Variants in ARMH3 observed in about 807,000 individuals in gnomAD.
The protein encoded by ARMH3 is armadillo-like helical domain-containing protein 3.
A neutral mutation model predicts 99.1 loss-of-function variants in ARMH3; 60 were observed. The ratio of observed to expected loss-of-function variants is 0.61; its 90% CI spans 0.49 to 0.75. The LOEUF is 0.75. Among genes scored for constraint, ARMH3 ranks in the 30% least tolerant of loss-of-function variants. ARMH3 has a pLI of 0.00. For missense variants in ARMH3, 679 were observed against 843.1 expected, an observed-to-expected ratio of 0.81 and a Z score of 2.41; for synonymous variants, 285 against 292.8, an observed-to-expected ratio of 0.97 and a Z score of 0.27.
Position 101,944,269 on chromosome 10 carries a change from TATATAGAGAGAGAGAGAGAGAGAGAG to T in ARMH3, c.1706-4357_1706-4332del, listed in dbSNP as rs1213126643. 7.3e-3 allele frequency among the ~76,000 whole-genome samples: 327 copies of T among 44,820 alleles called. 3 individuals carry two copies. Among genetic ancestry groups the T allele is most frequent in the East Asian group, 0.03 (18 of 598 alleles). 29.4% of individuals were successfully genotyped at this position (44,820 alleles called of 152,430 possible). On this transcript the variant is annotated intron_variant, in intron 22 of 25. Coordinates refer to ENST00000370033, the MANE Select transcript of ARMH3 (RefSeq NM_024541.3). Reference sequence around the variant, plus strand: ...ATATATATATATATATATATATATATATATAGAGAGAGAGAGAGAGAGAGAGAGAGAGAGAGAGAGAGAGAGAGAGA... The same window carrying T: ...ATATATATATATATATATATATATATAGAGAGAGAGAGAGAGAGAGAGAGA...
chr10:101,975,072 AAAG>A, intron 20 of ARMH3, 137 bp downstream of exon 20: 1 of 401,094 alleles, frequency 2.5e-6, no homozygotes, highest in Non-Finnish European at 4.4e-6. Flanking sequence ...AAAAAAAAAA[AAAG>A]ACAAAAAGAG....
chr10:102,036,843 G>C (rs1262547987), intron 2 of ARMH3, among the ~76,000 whole-genome samples: 1 of 145,870 alleles, frequency 6.9e-6, no homozygotes, highest in Non-Finnish European at 1.5e-5. Flanking sequence ...CCCCCTCTCC[G>C]AGAAACACCC....
intron 24 of ARMH3, among the ~76,000 whole-genome samples, chr10:101,868,977 C>A (rs747834269): frequency 1.3e-5 from 2 of 150,690 alleles, no homozygotes; most frequent in Non-Finnish European, 2.9e-5. Flanking sequence ...GAGGCTGAGG[C>A]ACAAGAATCG....
intron 2 of ARMH3, among the ~76,000 whole-genome samples, chr10:102,037,180 TTTC>T (rs2067297978): frequency 6.6e-6 from 1 of 151,354 alleles, no homozygotes; most frequent in Non-Finnish European, 1.5e-5. Flanking sequence ...TGGATTTTGT[TTTC>T]TTTTTTTTTT....
chr10:101,868,913 A>G (rs771656930), intron 24 of ARMH3, among the ~76,000 whole-genome samples: 3 of 152,088 alleles, frequency 2.0e-5, no homozygotes, highest in Non-Finnish European at 4.4e-5. Context: ...TTCTATTAAA[A>G]ATACAAAAAT....
chr10:101,967,070 A>G (rs1202147776), intron 20 of ARMH3, among the ~76,000 whole-genome samples: 1 of 152,264 alleles, frequency 6.6e-6, no homozygotes. Context: ...GAAGACAAAC[A>G]GCAAAGACAA....
At position 101,957,677 on chromosome 10, in the gene ARMH3, T is replaced by C. The variant is rs1339538917; in HGVS notation, c.1551A>G (p.Lys517=). The change falls in exon 21 of 26, where the codon AAA becomes AAG. Residue 517 remains lysine, a synonymous_variant. Transcript: ENST00000370033. The stretch of plus-strand genomic sequence containing the variant: ...TAAGGGCTAATGTAAAAATGTTGTG[T>C]TTGGCCAAAAGTACAGTCTCATTTG... ...LMSNETVLLA[K]HNIFTLALMI... The C allele has an allele frequency of 2.5e-6, 4 of 1,610,500 alleles. No individual in the cohort carries two copies. Among genetic ancestry groups the C allele is most frequent in the Non-Finnish European group, 3.4e-6 (4 of 1,179,082 alleles).
At chr10:101,899,844 C>A (rs1374471) in intron 23 of ARMH3, among the ~76,000 whole-genome samples, 19,617 of 152,048 alleles carry the variant, frequency 0.13, 1,582 homozygotes, top group Non-Finnish European at 0.17. Flanking sequence ...GGACCAAAGA[C>A]ACAAAAATGG....
At chr10:102,044,091 C>CTTTTTT (rs778226635) in intron 1 of ARMH3, among the ~76,000 whole-genome samples, 4 of 104,122 alleles carry the variant, frequency 3.8e-5, no homozygotes, top group Non-Finnish European at 8.1e-5. Context: ...TAATTTTTTT[C>CTTTTTT]TTTTTTTTTT....
intron 8 of ARMH3, among the ~76,000 whole-genome samples, chr10:102,022,369 G>A (rs1192456912): frequency 6.6e-6 from 1 of 150,816 alleles, no homozygotes; most frequent in Admixed American, 6.6e-5. Context: ...GTGGGCGCCT[G>A]TAGTCCCAGC....
chr10:102,029,335 T>C, intron 5 of ARMH3: 1 of 1,006,042 alleles, frequency 9.9e-7, no homozygotes, highest in East Asian at 2.6e-5. Flanking sequence ...TTGTATGTTG[T>C]TATATTTTAT....
intron 23 of ARMH3, among the ~76,000 whole-genome samples, chr10:101,924,140 T>TA (rs1843410377): frequency 6.6e-6 from 1 of 152,116 alleles, no homozygotes; most frequent in Non-Finnish European, 1.5e-5. Flanking sequence ...CAGAATGACA[T>TA]AATCAGGATT....
chr10:101,877,388 G>A (rs1296021290), intron 24 of ARMH3, among the ~76,000 whole-genome samples: 2 of 152,216 alleles, frequency 1.3e-5, no homozygotes, highest in African/African-American at 4.8e-5. Context: ...TAGGCTGGGT[G>A]CAGTGGCTAA....
At chr10:101,919,904 T>C (rs1347230089) in intron 23 of ARMH3, among the ~76,000 whole-genome samples, 1 of 96,762 alleles carries the variant, frequency 1.0e-5, no homozygotes, top group African/African-American at 3.9e-5. Flanking sequence ...TTCTGGAGAG[T>C]CCGCCTGGCA....
At position 102,029,748 on chromosome 10, in the gene ARMH3, G is replaced by A. The variant is rs370970330; in HGVS notation, c.307-3C>T. The A allele has an allele frequency of 1.5e-5, 24 of 1,607,740 alleles. No individual in the cohort carries two copies. The African/African-American group carries it at 3.1e-4, about 21-fold the overall frequency. On this transcript the variant is annotated splice_polypyrimidine_tract_variant and splice_region_variant and intron_variant, in intron 4 of 25. Coordinates refer to ENST00000370033, the MANE Select transcript of ARMH3 (RefSeq NM_024541.3). ...CCTCGAATGAGTGCGCACAGGGTCT[G>A]CAGAAATGAGAGAAAGAATTCTTTC...
intron 23 of ARMH3, among the ~76,000 whole-genome samples, chr10:101,893,893 T>C (rs1167962381): frequency 6.6e-6 from 1 of 152,232 alleles, no homozygotes; most frequent in Non-Finnish European, 1.5e-5. Flanking sequence ...AGGACATACA[T>C]GCTGATATTG....
chr10:102,021,570 C>T (rs1404082677), intron 8 of ARMH3, among the ~76,000 whole-genome samples: 6 of 148,260 alleles, frequency 4.0e-5, no homozygotes, highest in Admixed American at 2.0e-4. Context: ...TTTTTTGAGA[C>T]GGAGTCTCGC....
At chr10:101,951,501 A>G (rs1844785991) in intron 22 of ARMH3, among the ~76,000 whole-genome samples, 1 of 152,180 alleles carries the variant, frequency 6.6e-6, no homozygotes, top group African/African-American at 2.4e-5. Context: ...TGAGCCCTGA[A>G]GTTCAAAGCT....
intron 24 of ARMH3, among the ~76,000 whole-genome samples, chr10:101,884,855 T>C (rs953481712): frequency 1.3e-5 from 2 of 151,786 alleles, no homozygotes; most frequent in African/African-American, 4.8e-5. Flanking sequence ...TAAAGGACAC[T>C]AACAATAGAG....
Sources: allele counts gnomAD v4.1 joint callset (sites outside exome capture counted in the v4.1 genomes callset), GRCh38; gene constraint gnomAD v4.1.1; transcripts MANE v1.5; gene names NCBI Gene and HGNC (gene_info 2026-07-23, HGNC 2026-07-21).